ATRNL1: variants seen among roughly 807,000 people sequenced by gnomAD.
ATRNL1 encodes the protein attractin like 1, also known as attractin-like protein 1.
A neutral mutation model predicts 182.7 loss-of-function variants in ATRNL1; 95 were observed. That is an observed-to-expected ratio of 0.52 (90% confidence interval 0.44 to 0.62). The LOEUF (loss-of-function observed/expected upper bound fraction) is 0.62. Ranked by LOEUF, ATRNL1 falls within the 20% of genes least tolerant of loss-of-function variation. ATRNL1 has a pLI of 0.00. For missense variants in ATRNL1, 1,471 were observed against 1,679.5 expected, an observed-to-expected ratio of 0.88 and a Z score of 2.17; for synonymous variants, 576 against 568.3, an observed-to-expected ratio of 1.01 and a Z score of -0.19.
intron 19 of ATRNL1, among the ~76,000 whole-genome samples, chr10:115,365,102 T>C (rs1302114666): frequency 2.0e-5 from 3 of 150,416 alleles, no homozygotes; most frequent in African/African-American, 7.3e-5. Context: ...ATGGTACCAG[T>C]TCCTCCTTGT....
intron 27 of ATRNL1, among the ~76,000 whole-genome samples, chr10:115,785,760 C>T (rs1399173193): frequency 7.9e-5 from 12 of 152,098 alleles, no homozygotes; most frequent in African/African-American, 2.9e-4. Flanking sequence ...CAGTTTTTGC[C>T]TCAATTTATC....
chr10:115,181,939 A>C (rs1324859489), intron 8 of ATRNL1, among the ~76,000 whole-genome samples: 1 of 151,664 alleles, frequency 6.6e-6, no homozygotes, highest in Non-Finnish European at 1.5e-5. Flanking sequence ...GCAAAGAGAC[A>C]GATAAGAATG....
At chr10:115,885,500 C>T (rs1951922371) in intron 28 of ATRNL1, among the ~76,000 whole-genome samples, 1 of 152,140 alleles carries the variant, frequency 6.6e-6, no homozygotes. Context: ...TTGTCAGATG[C>T]TTTGTGCAAG....
rs932066929 is a variant in ATRNL1 at position 115,666,041 on chromosome 10, A to G, written c.3796-61207A>G. Among the ~76,000 whole-genome samples the G allele has an allele frequency of 6.6e-5, 10 of 152,262 alleles. 3 individuals are homozygous for G. Among genetic ancestry groups the G allele is most frequent in the Admixed American group, 6.5e-4 (10 of 15,272 alleles). ...TTGGTATGGTAATTTGATTATGATA[A>G]ATATAAATAAAGGTTAGATGTTCTA... On this transcript the variant is annotated intron_variant, in intron 26 of 28. Coordinates refer to ENST00000355044, the MANE Select transcript of ATRNL1 (RefSeq NM_207303.4).
chr10:115,864,377 C>T (rs1358400346), intron 28 of ATRNL1, among the ~76,000 whole-genome samples: 1 of 151,704 alleles, frequency 6.6e-6, no homozygotes, highest in Admixed American at 6.6e-5. Context: ...CACCATTAGA[C>T]AAATACCACA....
chr10:115,769,621 T>A (rs1948938813), intron 27 of ATRNL1, among the ~76,000 whole-genome samples: 1 of 152,118 alleles, frequency 6.6e-6, no homozygotes, highest in Non-Finnish European at 1.5e-5. Context: ...AGAGAGGATA[T>A]CACTGACTTT....
In ATRNL1 at chr10:115,549,442, G is replaced by C. The variant is rs782525005; in HGVS notation, c.3717-16G>C. 1 of 1,574,298 alleles carries C rather than the reference G, an allele frequency of 6.4e-7. No homozygotes were observed. Among genetic ancestry groups the C allele is most frequent in the South Asian group, 1.2e-5 (1 of 84,004 alleles). On this transcript the variant is annotated splice_polypyrimidine_tract_variant and intron_variant, in intron 25 of 28. Transcript: ENST00000355044. Reference sequence around the variant, plus strand: ...AATAAGTTTTGAGCAAAAATTATTTGTGTTTTATTTTCCAGTTGTTTCCTA... The same window carrying C: ...AATAAGTTTTGAGCAAAAATTATTTCTGTTTTATTTTCCAGTTGTTTCCTA...
intron 22 of ATRNL1, among the ~76,000 whole-genome samples, chr10:115,464,147 G>A (rs17093109): frequency 0.033 from 4,967 of 151,954 alleles, 248 homozygotes; most frequent in African/African-American, 0.11. Context: ...GAAGCTTAAC[G>A]ATGCATAACT....
intron 21 of ATRNL1, among the ~76,000 whole-genome samples, chr10:115,434,426 G>C (rs141789300): frequency 1.3e-5 from 2 of 152,186 alleles, no homozygotes; most frequent in African/African-American, 4.8e-5. Flanking sequence ...CAGAGATAGA[G>C]AAAGCTGAAC....
chr10:115,174,179 CCT>C (rs1847404359), intron 8 of ATRNL1, among the ~76,000 whole-genome samples: 2 of 151,646 alleles, frequency 1.3e-5, no homozygotes, highest in Non-Finnish European at 3.0e-5. Context: ...TACGTTCATA[CCT>C]AATCTAGACT....
intron 1 of ATRNL1, among the ~76,000 whole-genome samples, chr10:115,113,746 T>G (rs1554868960): frequency 6.6e-6 from 1 of 152,174 alleles, no homozygotes; most frequent in East Asian, 1.9e-4. Flanking sequence ...CAGTCTCAGG[T>G]ATGTCTTTAT....
In ATRNL1 at chr10:115,445,766, T is replaced by C. The variant is rs371923900; in HGVS notation, c.3323-16175T>C. ...AAAGCTGTACATGTCAGCAGTCACT[T>C]ATCATTCTTTTTTCACCAGCTAGTG... On this transcript the variant is annotated intron_variant, in intron 21 of 28. Coordinates refer to ENST00000355044, the MANE Select transcript of ATRNL1 (RefSeq NM_207303.4). Among the ~76,000 whole-genome samples the C allele has an allele frequency of 5.5e-4, 84 of 152,318 alleles. 2 individuals are homozygous for C. In the South Asian group the frequency reaches 0.017, roughly 31 times the overall value.
intron 24 of ATRNL1, among the ~76,000 whole-genome samples, chr10:115,518,963 G>A (rs1456686459): frequency 2.0e-5 from 3 of 151,838 alleles, no homozygotes; most frequent in Non-Finnish European, 2.9e-5. Flanking sequence ...TGGGTGTTTT[G>A]GTTAGGCATA....
At chr10:115,467,000 A>C (rs1848082268) in intron 22 of ATRNL1, among the ~76,000 whole-genome samples, 174 bp from the exon 23 acceptor site, 1 of 151,142 alleles carries the variant, frequency 6.6e-6, no homozygotes, top group Non-Finnish European at 1.5e-5. Context: ...CTTTGAATTT[A>C]TTACACATTT....
chr10:115,165,760 TA>T, intron 7 of ATRNL1, 115 bp downstream of exon 7: 1 of 469,686 alleles, frequency 2.1e-6, no homozygotes. Context: ...CAATAGATTA[TA>T]TGGATCATGA....
At chr10:115,352,069 A>G (rs1195458021) in intron 19 of ATRNL1, among the ~76,000 whole-genome samples, 1 of 151,940 alleles carries the variant, frequency 6.6e-6, no homozygotes, top group African/African-American at 2.4e-5. Context: ...AGGAATTTAT[A>G]CTTGTCTCCC....
At chr10:115,395,480 T>A (rs1462091868) in intron 20 of ATRNL1, among the ~76,000 whole-genome samples, 2 of 152,082 alleles carry the variant, frequency 1.3e-5, no homozygotes, top group East Asian at 1.9e-4. Context: ...AAAAGATGCA[T>A]TCTTAATCTT....
intron 27 of ATRNL1, among the ~76,000 whole-genome samples, chr10:115,798,078 C>T (rs538012482): frequency 1.3e-5 from 2 of 152,074 alleles, no homozygotes; most frequent in Admixed American, 6.5e-5. Flanking sequence ...CCACCACGCC[C>T]GGCTAATTTT....
intron 13 of ATRNL1, among the ~76,000 whole-genome samples, chr10:115,280,241 T>C (rs1321172667): frequency 6.6e-6 from 1 of 152,116 alleles, no homozygotes; most frequent in Non-Finnish European, 1.5e-5. Context: ...TCAGAGAAAT[T>C]TGTTAGAAGG....
Sources: gnomAD v4.1 joint callset for allele counts (sites outside exome capture counted in the v4.1 genomes callset) on GRCh38, gnomAD v4.1.1 for gene constraint, MANE v1.5 for transcripts, NCBI Gene and HGNC (gene_info 2026-07-23, HGNC 2026-07-21) for gene names.